The following IQCM variants were observed in gnomAD, a reference collection of about 807,000 sequenced individuals.
IQCM encodes IQ domain-containing protein M.
Under a neutral mutation model 57.6 loss-of-function variants are expected in IQCM, and 45 were observed. That is an observed-to-expected ratio of 0.78 (90% CI 0.62 to 1.00). The LOEUF is 1.00. Ranked by LOEUF, IQCM falls within the 50% of genes least tolerant of loss-of-function variation. The pLI is 0.00. For synonymous variants in IQCM, 148 were observed against 158.9 expected (o/e 0.93, Z 0.51); for missense variants, 468 against 511.6 (o/e 0.91, Z 0.82).
chr4:149,621,187 C>A lies in IQCM; in HGVS notation c.623G>T (p.Cys208Phe). 4 of 1,232,016 alleles carry A rather than the reference C, an allele frequency of 3.2e-6. No individual in the cohort carries two copies. Among genetic ancestry groups the A allele is most frequent in the Non-Finnish European group, 3.0e-6 (3 of 987,890 alleles). 76.3% of individuals were successfully genotyped at this position (1,232,016 alleles called of 1,614,324 possible). ...FVLTRSFRLA[C>F]DSRRVSFSQS... Reference sequence around the variant, plus strand: ...AGAGAAACTAACTCGACGGGAGTCACAAGCCAAACGGAAAGACCTTGTCAG... The same window carrying A: ...AGAGAAACTAACTCGACGGGAGTCAAAAGCCAAACGGAAAGACCTTGTCAG... Residue 208 changes from cysteine to phenylalanine, a missense_variant, in exon 8 of 14, where the codon TGT becomes TTT. Physicochemically the swap from Cys to Phe is radical, Grantham distance 205 (BLOSUM62 -2). Transcript: ENST00000636793.
At chr4:149,537,302 G>A (rs1346855219) in intron 12 of IQCM, among the ~76,000 whole-genome samples, 32 of 151,754 alleles carry the variant, frequency 2.1e-4, no homozygotes, top group Admixed American at 2.0e-3. Flanking sequence ...GTATTCTAGA[G>A]TTGAAAAATA....
chr4:149,462,353 C>T (rs1421469066), intron 12 of IQCM, among the ~76,000 whole-genome samples: 1 of 152,122 alleles, frequency 6.6e-6, no homozygotes, highest in Non-Finnish European at 1.5e-5. Context: ...AAGAAAATGA[C>T]TCAGTCAAAA....
Position 149,553,226 on chromosome 4 carries a change from C to T in IQCM, c.1010G>A (p.Arg337His), listed in dbSNP as rs555277752. The T allele has an allele frequency of 3.5e-5, 43 of 1,231,846 alleles. No homozygotes were observed. Among genetic ancestry groups the T allele is most frequent in the African/African-American group, 1.9e-4 (12 of 64,526 alleles). 76.3% of individuals were successfully genotyped at this position (1,231,846 alleles called of 1,614,324 possible). The part of the protein sequence containing the change: ...VINMYGRLIH[R>H]VRYRRGLWRT... ...CCAAAGACCACGTCGATATCTAACA[C>T]GGTGGATTAGTCTGCCATACATGTT... Residue 337 changes from arginine to histidine, a missense_variant, in exon 11 of 14, where the codon CGT becomes CAT. Coordinates refer to ENST00000636793, the MANE Select transcript of IQCM (RefSeq NM_001363507.2).
chr4:149,370,578 C>T (rs1047169464), intron 13 of IQCM, among the ~76,000 whole-genome samples: 3 of 75,030 alleles, frequency 4.0e-5, no homozygotes, highest in African/African-American at 1.5e-4. Context: ...ACACACTATA[C>T]ACACACACAC....
intron 12 of IQCM, among the ~76,000 whole-genome samples, chr4:149,456,757 G>A (rs544723430): frequency 1.6e-3 from 237 of 152,120 alleles, no homozygotes; most frequent in African/African-American, 5.3e-3. Flanking sequence ...TTTATGGCCC[G>A]CTTCAGAAGG....
chr4:149,749,748 T>G, intron 2 of IQCM, among the ~76,000 whole-genome samples: 1 of 152,172 alleles, frequency 6.6e-6, no homozygotes, highest in East Asian at 1.9e-4. Context: ...TGTTTCAATA[T>G]AACCTATTAG....
intron 13 of IQCM, among the ~76,000 whole-genome samples, chr4:149,387,867 CAACTGAT>C (rs1560794296): frequency 1.3e-5 from 2 of 151,950 alleles, no homozygotes; most frequent in African/African-American, 4.8e-5. Context: ...CAGCCTTAAG[CAACTGAT>C]AATCTGATTT....
Position 149,368,992 on chromosome 4 carries a change from G to A in IQCM, c.1391-16926C>T, listed in dbSNP as rs1205740218. Among the ~76,000 whole-genome samples the A allele has an allele frequency of 2.5e-4, 8 of 32,210 alleles. 1 individual carries two copies. The East Asian group carries it at 3.8e-3, about 15-fold the overall frequency. 21.1% of individuals were successfully genotyped at this position (32,210 alleles called of 152,430 possible). On this transcript the variant is annotated intron_variant, in intron 13 of 13. Transcript: ENST00000636793. ...TATATATGTGTATATATATACACGT[G>A]TATATATATATATATACACGTGTAT... is the stretch of plus-strand genomic sequence containing the variant.
chr4:149,483,472 A>G (rs968154841), intron 12 of IQCM, among the ~76,000 whole-genome samples: 1 of 151,706 alleles, frequency 6.6e-6, no homozygotes, highest in Admixed American at 6.6e-5. Flanking sequence ...TTGAGTTTCC[A>G]TTACTAACTG....
chr4:149,380,521 G>A, intron 13 of IQCM, among the ~76,000 whole-genome samples: 1 of 151,978 alleles, frequency 6.6e-6, no homozygotes, highest in South Asian at 2.1e-4. Flanking sequence ...ATCTCTCTCT[G>A]ATCTATATGC....
chr4:149,792,298 AC>A (rs1233115372), intron 2 of IQCM, among the ~76,000 whole-genome samples: 2 of 152,156 alleles, frequency 1.3e-5, no homozygotes, highest in African/African-American at 4.8e-5. Flanking sequence ...ATTTTTAACT[AC>A]TTTTGCTAGT....
chr4:149,546,537 T>C (rs900451669), intron 12 of IQCM, among the ~76,000 whole-genome samples: 7 of 152,362 alleles, frequency 4.6e-5, no homozygotes, highest in Admixed American at 6.5e-5. Flanking sequence ...TGGTATCTCA[T>C]TGTGGTTTTG....
At chr4:149,624,513 C>T (rs1230543156) in intron 7 of IQCM, among the ~76,000 whole-genome samples, 1 of 151,930 alleles carries the variant, frequency 6.6e-6, no homozygotes, top group Non-Finnish European at 1.5e-5. Flanking sequence ...ATTTTATAAG[C>T]TTAAATTATA....
At chr4:149,743,768 C>T (rs1767678246) in intron 2 of IQCM, among the ~76,000 whole-genome samples, 1 of 152,082 alleles carries the variant, frequency 6.6e-6, no homozygotes, top group Non-Finnish European at 1.5e-5. Context: ...TTAGCTGAGC[C>T]CTTCTACATT....
At chr4:149,726,385 A>T (rs2149871460) in intron 5 of IQCM, among the ~76,000 whole-genome samples, 1 of 152,250 alleles carries the variant, frequency 6.6e-6, no homozygotes, top group African/African-American at 2.4e-5. Flanking sequence ...TCTTGGGACA[A>T]CAGATAAGCT....
rs1753554219 is a variant in IQCM, at chr4:149,594,436, CT to C, written c.682-6440del. Among the ~76,000 whole-genome samples the C allele has an allele frequency of 2.0e-5, 3 of 151,722 alleles. No homozygotes were observed. In the South Asian group the frequency reaches 6.2e-4, roughly 32 times the overall value. On this transcript the variant is annotated intron_variant, in intron 8 of 13. Transcript: ENST00000636793. ...CTGGATTCATTGATTTTTTGAAGGG[CT>C]TTTGTGTCTCTACCTCCTTCAGTTC...
intron 2 of IQCM, among the ~76,000 whole-genome samples, chr4:149,744,344 G>T (rs1270595191): frequency 6.6e-6 from 1 of 152,122 alleles, no homozygotes; most frequent in East Asian, 1.9e-4. Flanking sequence ...CTTCTGGCCT[G>T]GTTTAACTAC....
chr4:149,663,116 G>A (rs1032865269), intron 7 of IQCM, among the ~76,000 whole-genome samples: 3 of 151,776 alleles, frequency 2.0e-5, no homozygotes, highest in African/African-American at 4.8e-5. Flanking sequence ...AAAGAGTCTT[G>A]TAGTTATAAT....
At chr4:149,570,730 C>A (rs938389658) in intron 9 of IQCM, among the ~76,000 whole-genome samples, 1 of 152,014 alleles carries the variant, frequency 6.6e-6, no homozygotes, top group Non-Finnish European at 1.5e-5. Context: ...ACAATAAAAG[C>A]ATCCATGTTT....
Sources: gnomAD v4.1 joint callset for allele counts (sites outside exome capture counted in the v4.1 genomes callset) on GRCh38, gnomAD v4.1.1 for gene constraint, MANE v1.5 for transcripts, NCBI Gene and HGNC (gene_info 2026-07-23, HGNC 2026-07-21) for gene names.